GALNTL6: variants seen among roughly 807,000 people sequenced by gnomAD.
GALNTL6 encodes polypeptide N-acetylgalactosaminyltransferase like 6, also known as polypeptide N-acetylgalactosaminyltransferase-like 6.
In GALNTL6, 46 loss-of-function variants were observed where a neutral mutation model predicts 73.7. The ratio of observed to expected loss-of-function variants is 0.62; its 90% CI spans 0.49 to 0.80. GALNTL6 has a LOEUF of 0.80. GALNTL6 is among the 30% of genes least tolerant of loss of function. The probability of loss-of-function intolerance (pLI) is 0.00; values close to 1 mark genes in which losing one functional copy is unlikely to be tolerated. For synonymous variants in GALNTL6, 259 were observed against 263.7 expected (o/e 0.98, Z 0.17); for missense variants, 604 against 755.0 (o/e 0.80, Z 2.34).
intron 5 of GALNTL6, among the ~76,000 whole-genome samples, chr4:172,711,638 GA>G (rs1233273190): frequency 2.0e-5 from 3 of 152,160 alleles, no homozygotes; most frequent in Admixed American, 2.0e-4. Context: ...AGCAGGTTCG[GA>G]AGGGACTTTT....
intron 2 of GALNTL6, among the ~76,000 whole-genome samples, chr4:172,085,872 TTTTCA>T (rs1463165807): frequency 6.6e-6 from 1 of 152,120 alleles, no homozygotes; most frequent in Non-Finnish European, 1.5e-5. Context: ...TTTATCATAC[TTTTCA>T]TTTCATGACT....
intron 2 of GALNTL6, among the ~76,000 whole-genome samples, chr4:172,023,561 C>G (rs560432594): frequency 6.6e-6 from 1 of 151,760 alleles, no homozygotes; most frequent in Non-Finnish European, 1.5e-5. Context: ...CTCTTTCATG[C>G]TTTACTCTTC....
intron 2 of GALNTL6, among the ~76,000 whole-genome samples, chr4:172,058,237 T>C (rs1731090648): frequency 6.6e-6 from 1 of 151,996 alleles, no homozygotes; most frequent in African/African-American, 2.4e-5. Context: ...GGGACAACAC[T>C]GTGAGCCACC....
chr4:172,186,453 C>A (rs755177145), intron 2 of GALNTL6, among the ~76,000 whole-genome samples: 14 of 152,176 alleles, frequency 9.2e-5, no homozygotes, highest in South Asian at 2.1e-4. Context: ...AATTGGAAAT[C>A]AAACAACTAT....
chr4:172,497,254 T>G (rs1238965202), intron 5 of GALNTL6, among the ~76,000 whole-genome samples: 2 of 152,312 alleles, frequency 1.3e-5, no homozygotes, highest in Non-Finnish European at 2.9e-5. Flanking sequence ...AAGAGTAAAT[T>G]AATGAATAGT....
At chr4:173,018,302 A>G (rs997353274) in intron 11 of GALNTL6, among the ~76,000 whole-genome samples, 1 of 152,262 alleles carries the variant, frequency 6.6e-6, no homozygotes, top group Non-Finnish European at 1.5e-5. Flanking sequence ...TATAAGCATT[A>G]TCATTTGCTA....
At chr4:172,169,608 C>A (rs1734748082) in intron 2 of GALNTL6, among the ~76,000 whole-genome samples, 1 of 151,884 alleles carries the variant, frequency 6.6e-6, no homozygotes, top group Non-Finnish European at 1.5e-5. Flanking sequence ...TAGAAAGATA[C>A]CTAAGCAGAT....
At chr4:172,378,810 C>T (rs1200057445) in intron 5 of GALNTL6, among the ~76,000 whole-genome samples, 1 of 151,454 alleles carries the variant, frequency 6.6e-6, no homozygotes, top group Non-Finnish European at 1.5e-5. Flanking sequence ...AGAGACTGTA[C>T]ATTAAAAACT....
chr4:172,419,782 A>T (rs575587202), intron 5 of GALNTL6, among the ~76,000 whole-genome samples: 1 of 152,276 alleles, frequency 6.6e-6, no homozygotes, highest in South Asian at 2.1e-4. Flanking sequence ...ACTAAGAGAC[A>T]TGTCCCAGCT....
intron 7 of GALNTL6, among the ~76,000 whole-genome samples, chr4:172,836,217 G>A (rs1742903204): frequency 6.6e-6 from 1 of 152,174 alleles, no homozygotes; most frequent in Non-Finnish European, 1.5e-5. Flanking sequence ...TTCTACAATA[G>A]CAGGCAGAAA....
chr4:172,913,274 AGATG>A (rs1747312559), intron 8 of GALNTL6, among the ~76,000 whole-genome samples: 1 of 152,236 alleles, frequency 6.6e-6, no homozygotes, highest in Non-Finnish European at 1.5e-5. Context: ...AAAACCACAA[AGATG>A]GGGAGAAACT....
chr4:172,521,220 T>C (rs1196654365), intron 5 of GALNTL6, among the ~76,000 whole-genome samples: 2 of 152,178 alleles, frequency 1.3e-5, no homozygotes, highest in African/African-American at 2.4e-5. Context: ...TACTAAACTT[T>C]AAGACAGTAT....
intron 5 of GALNTL6, among the ~76,000 whole-genome samples, chr4:172,519,407 C>T (rs944327628): frequency 3.3e-5 from 5 of 151,030 alleles, no homozygotes; most frequent in Admixed American, 3.3e-4. Context: ...TTGACCAACC[C>T]TCTTCACCAT....
chr4:172,451,375 TTA>T (rs1452809172), intron 5 of GALNTL6, among the ~76,000 whole-genome samples: 2 of 152,228 alleles, frequency 1.3e-5, no homozygotes, highest in Non-Finnish European at 2.9e-5. Context: ...TGTTCACATA[TTA>T]AATTATTTAT....
intron 2 of GALNTL6, among the ~76,000 whole-genome samples, chr4:171,999,611 A>G (rs530975299): frequency 1.3e-5 from 2 of 152,226 alleles, no homozygotes; most frequent in Non-Finnish European, 2.9e-5. Context: ...TGCCTTGAAA[A>G]CATCTAAAAT....
At chr4:172,361,835 A>G (rs926646002) in intron 5 of GALNTL6, among the ~76,000 whole-genome samples, 1 of 152,110 alleles carries the variant, frequency 6.6e-6, no homozygotes, top group African/African-American at 2.4e-5. Flanking sequence ...CCCTAGCTTT[A>G]TATCTTGGCT....
chr4:172,957,746 T>C lies in GALNTL6; in HGVS notation c.1371+5488T>C, dbSNP rs28874099. 3.2e-3 allele frequency among the ~76,000 whole-genome samples: 490 copies of C among 152,324 alleles called. 1 individual carries two copies. The highest frequency in any genetic ancestry group is 0.011 in the African/African-American group (442 of 41,574). ...TAGAGTCAGTATAAATATTGACGTG[T>C]AGTCCTTTTGCAAGAGTGAGGGCTT... is the stretch of plus-strand genomic sequence containing the variant. On this transcript the variant is annotated intron_variant, in intron 10 of 12. Transcript: ENST00000506823.
intron 3 of GALNTL6, among the ~76,000 whole-genome samples, chr4:172,246,899 C>G (rs1454596799): frequency 6.6e-6 from 1 of 151,348 alleles, no homozygotes; most frequent in Non-Finnish European, 1.5e-5. Flanking sequence ...TTAATGAGTT[C>G]TGGGGTAACC....
intron 12 of GALNTL6, among the ~76,000 whole-genome samples, chr4:173,022,090 A>AGAAGGAAGGAAGGAAAGAAGGAAG (rs1554012049): frequency 1.5e-4 from 10 of 66,256 alleles, no homozygotes; most frequent in African/African-American, 4.5e-4. Flanking sequence ...AAGGAAGGAA[A>AGAAGGAAGGAAGGAAAGAAGGAAG]GAAGGAAGGA....
Sources: allele counts gnomAD v4.1 joint callset (sites outside exome capture counted in the v4.1 genomes callset), GRCh38; gene constraint gnomAD v4.1.1; transcripts MANE v1.5; gene names NCBI Gene and HGNC (gene_info 2026-07-23, HGNC 2026-07-21).